Variants in EXOC6 observed in about 807,000 individuals in gnomAD.
The protein encoded by EXOC6 is SEC15-like 1.
In EXOC6, 60 loss-of-function variants were observed where a neutral mutation model predicts 112.5. That is an observed-to-expected ratio of 0.53 (90% CI 0.43 to 0.66). The LOEUF is 0.66. EXOC6 is among the 30% of genes least tolerant of loss of function. The pLI is 0.00. For missense variants in EXOC6, 855 were observed against 957.1 expected (o/e 0.89, Z 1.41); for synonymous variants, 295 against 308.0 (o/e 0.96, Z 0.44).
chr10:93,010,108 A>AT (rs1844172462), intron 19 of EXOC6, among the ~76,000 whole-genome samples: 1 of 152,244 alleles, frequency 6.6e-6, no homozygotes, highest in South Asian at 2.1e-4. Flanking sequence ...TTTTAAAGAA[A>AT]TAAAGGGAAA....
At position 92,868,260 on chromosome 10, in the gene EXOC6, G is replaced by A. The variant is rs1589730554; in HGVS notation, c.101+19626G>A. On this transcript the variant is annotated intron_variant, in intron 1 of 21. Transcript: ENST00000260762. ...TTTCCTGGGGTGTGGCATGAGGAGT[G>A]GCTCTTTATCTTTTTTCACGTGGCA... Among the ~76,000 whole-genome samples, 4 of 152,078 alleles carry A rather than the reference G, an allele frequency of 2.6e-5. 1 individual carries two copies. The South Asian group carries it at 8.4e-4, about 32-fold the overall frequency.
intron 1 of EXOC6, among the ~76,000 whole-genome samples, chr10:92,870,330 A>T (rs970423357): frequency 1.3e-5 from 2 of 152,152 alleles, no homozygotes; most frequent in African/African-American, 2.4e-5. Context: ...TTTTATTAGC[A>T]AGAAAGGCTG....
Position 92,855,784 on chromosome 10 carries a change from T to C in EXOC6, c.101+7150T>C, listed in dbSNP as rs868368468. The stretch of plus-strand genomic sequence containing the variant: ...TTGAGTCTTTGTTTTTGCTTGGTCA[T>C]TCTAGATAAAGGTTTGTCAATTTTG... On this transcript the variant is annotated intron_variant, in intron 1 of 21. Coordinates refer to ENST00000260762, the MANE Select transcript of EXOC6 (RefSeq NM_019053.6). Among the ~76,000 whole-genome samples, 6 of 152,274 alleles carry C rather than the reference T, an allele frequency of 3.9e-5. 1 individual carries two copies. The South Asian group carries it at 1.2e-3, about 32-fold the overall frequency.
intron 20 of EXOC6, among the ~76,000 whole-genome samples, chr10:93,030,315 C>T (rs944471806): frequency 6.6e-6 from 1 of 152,186 alleles, no homozygotes; most frequent in Non-Finnish European, 1.5e-5. Context: ...ATCTGCCTGC[C>T]TCGACCTCCC....
At chr10:92,992,673 T>C (rs1283110659) in intron 18 of EXOC6, among the ~76,000 whole-genome samples, 7 of 152,148 alleles carry the variant, frequency 4.6e-5, no homozygotes, top group Non-Finnish European at 1.0e-4. Context: ...TTTTCAACTA[T>C]ACCTCTTTTT....
At chr10:92,848,372 G>A, upstream of EXOC6, 1 of 336,030 alleles carries the variant, frequency 3.0e-6, no homozygotes, top group East Asian at 1.6e-4. Context: ...TGCGGGGGCG[G>A]GAACCGGGTC....
chr10:92,979,957 A>G (rs1842771397), intron 18 of EXOC6, among the ~76,000 whole-genome samples: 1 of 151,616 alleles, frequency 6.6e-6, no homozygotes. Context: ...ATACCTATTC[A>G]TCTGCATTTT....
In EXOC6 at chr10:93,041,500, T is replaced by C. The variant is rs1453073909; in HGVS notation, c.2170-15424T>C. Among the ~76,000 whole-genome samples, 8 of 152,078 alleles carry C rather than the reference T, an allele frequency of 5.3e-5. No homozygotes were observed. In the East Asian group the frequency reaches 1.5e-3, roughly 29 times the overall value. On this transcript the variant is annotated intron_variant, in intron 20 of 21. Coordinates refer to ENST00000260762, the MANE Select transcript of EXOC6 (RefSeq NM_019053.6). ...TCTACCTCCTGGGTTCAAGCAATTC[T>C]TCTGCCTCAGCCTCCCAAGTATGCC...
intron 5 of EXOC6, among the ~76,000 whole-genome samples, chr10:92,906,234 T>C (rs1850436626): frequency 6.6e-6 from 1 of 152,184 alleles, no homozygotes; most frequent in South Asian, 2.1e-4. Flanking sequence ...TGTCTGTACA[T>C]TGGAAGTGAT....
chr10:92,843,976 CA>C (rs34641974), upstream of EXOC6, among the ~76,000 whole-genome samples: 229 of 37,902 alleles, frequency 6.0e-3, no homozygotes, highest in East Asian at 0.04. Flanking sequence ...GACTCTGTCT[CA>C]AAAAAAAAAA....
At chr10:92,878,737 C>A (rs1379776785) in intron 1 of EXOC6, among the ~76,000 whole-genome samples, 5 of 152,162 alleles carry the variant, frequency 3.3e-5, no homozygotes, top group Non-Finnish European at 1.5e-5. Context: ...CTCTCCTGCC[C>A]TGCCCATGCC....
chr10:92,906,486 A>C (rs1850449629), intron 5 of EXOC6, among the ~76,000 whole-genome samples: 1 of 152,186 alleles, frequency 6.6e-6, no homozygotes, highest in Non-Finnish European at 1.5e-5. Flanking sequence ...GAATCATTAG[A>C]GTACTCACAT....
intron 19 of EXOC6, among the ~76,000 whole-genome samples, chr10:93,007,680 T>TCGATTGC (rs1216000714): frequency 6.6e-6 from 1 of 151,992 alleles, no homozygotes; most frequent in Non-Finnish European, 1.5e-5. Context: ...CCCAACTTCA[T>TCGATTGC]CGATTGCCAA....
intron 1 of EXOC6, among the ~76,000 whole-genome samples, 166 bp downstream of exon 1, chr10:92,848,800 C>G (rs964130171): frequency 6.6e-6 from 1 of 151,712 alleles, no homozygotes; most frequent in African/African-American, 2.4e-5. Context: ...AGCCGGTACC[C>G]GGGCGGGACC....
intron 18 of EXOC6, among the ~76,000 whole-genome samples, chr10:92,996,847 A>G (rs1843516979): frequency 2.0e-5 from 3 of 152,192 alleles, no homozygotes; most frequent in African/African-American, 7.2e-5. Flanking sequence ...TGATTTAAAA[A>G]CTGAATTTCT....
At position 92,955,648 on chromosome 10, in the gene EXOC6, T is replaced by G. The variant is rs561164651; in HGVS notation, c.1707T>G (p.Thr569=). 4 of 1,610,266 alleles carry G rather than the reference T, an allele frequency of 2.5e-6. No individual in the cohort carries two copies. In the South Asian group the frequency reaches 4.4e-5, roughly 18 times the overall value. The change falls in exon 17 of 22, where the codon ACT becomes ACG. Residue 569 remains threonine (T), a synonymous_variant. Transcript: ENST00000260762. ...QACKYLEDFI[T]NITNISQETV... Reference sequence around the variant, plus strand: ...GTAAATATCTTGAGGACTTTATAACTAACATTACAAATATTTCCCAAGAAA... The same window carrying G: ...GTAAATATCTTGAGGACTTTATAACGAACATTACAAATATTTCCCAAGAAA...
chr10:92,919,979 C>G lies in EXOC6; in HGVS notation c.820-3C>G. ...ATTTTTTTAAAAATGGTTTAATTTT[C>G]AGATCTTAACTGTTCAGGATCTTGT... On this transcript the variant is annotated splice_region_variant and splice_polypyrimidine_tract_variant and intron_variant, in intron 7 of 21. Transcript: ENST00000260762. 3 of 1,583,094 alleles carry G rather than the reference C, an allele frequency of 1.9e-6. No individual in the cohort carries two copies. The highest frequency in any genetic ancestry group is 2.6e-6 in the Non-Finnish European group (3 of 1,164,218).
At chr10:92,994,978 C>T (rs967057390) in intron 18 of EXOC6, among the ~76,000 whole-genome samples, 4 of 151,748 alleles carry the variant, frequency 2.6e-5, no homozygotes, top group African/African-American at 4.8e-5. Flanking sequence ...ATTGTATAAT[C>T]TTATGGAATA....
intron 18 of EXOC6, among the ~76,000 whole-genome samples, chr10:92,989,018 T>G (rs1351586332): frequency 1.3e-5 from 2 of 152,252 alleles, no homozygotes; most frequent in African/African-American, 4.8e-5. Context: ...CTTAACTGCA[T>G]GTGGATACTT....
Sources: gnomAD v4.1 joint callset for allele counts (sites outside exome capture counted in the v4.1 genomes callset) on GRCh38, gnomAD v4.1.1 for gene constraint, MANE v1.5 for transcripts, NCBI Gene and HGNC (gene_info 2026-07-23, HGNC 2026-07-21) for gene names.